The following PHIP variants were observed in gnomAD, a reference collection of about 807,000 sequenced individuals.
PHIP encodes the protein PH-interacting protein.
A neutral mutation model predicts 236.8 loss-of-function variants in PHIP; 54 were observed. The ratio of observed to expected loss-of-function variants is 0.23; its 90% CI spans 0.18 to 0.29. PHIP has a LOEUF of 0.29. Among genes scored for constraint, PHIP ranks in the 10% least tolerant of loss-of-function variants. The pLI is 1.00. For missense variants in PHIP, 1,370 were observed against 2,190.8 expected, an observed-to-expected ratio of 0.63 and a Z score of 7.48; for synonymous variants, 756 against 718.9, an observed-to-expected ratio of 1.05 and a Z score of -0.83.
chr6:79,019,168 CA>C lies in PHIP; in HGVS notation c.924-10del. 2 of 1,597,634 alleles carry C rather than the reference CA, an allele frequency of 1.3e-6. No homozygotes were observed. The highest frequency in any genetic ancestry group is 1.7e-6 in the Non-Finnish European group (2 of 1,166,578). On this transcript the variant is annotated splice_polypyrimidine_tract_variant and intron_variant, in intron 9 of 39. Coordinates refer to ENST00000275034, the MANE Select transcript of PHIP (RefSeq NM_017934.7). Reference sequence around the variant, plus strand: ...ATTTTGCAGGTCTTGGGCTGTAATACAAAAAATAAAGAATTAAAAATATCCT... The same window carrying C: ...ATTTTGCAGGTCTTGGGCTGTAATACAAAAATAAAGAATTAAAAATATCCT...
intron 18 of PHIP, among the ~76,000 whole-genome samples, chr6:78,997,907 C>G (rs1769732350): frequency 6.6e-6 from 1 of 151,970 alleles, no homozygotes; most frequent in Non-Finnish European, 1.5e-5. Context: ...ACTAGACAAA[C>G]CCAAGAGTAT....
At chr6:79,007,412 G>T (rs779736836) in intron 15 of PHIP, among the ~76,000 whole-genome samples, 38 of 151,956 alleles carry the variant, frequency 2.5e-4, no homozygotes, top group Non-Finnish European at 5.4e-4. Context: ...GTTCTGAAAG[G>T]TATGTTGAAA....
intron 6 of PHIP, among the ~76,000 whole-genome samples, chr6:79,047,609 A>C (rs1240731380): frequency 6.6e-6 from 1 of 152,102 alleles, no homozygotes; most frequent in Non-Finnish European, 1.5e-5. Flanking sequence ...ACTCGTTCTA[A>C]ACTTTAATTT....
At chr6:79,009,993 CAG>C (rs951046892) in intron 15 of PHIP, among the ~76,000 whole-genome samples, 16 of 150,678 alleles carry the variant, frequency 1.1e-4, no homozygotes, top group African/African-American at 3.9e-4. Context: ...CTGGAAGCAT[CAG>C]AGAGTCCTTT....
chr6:79,051,788 C>A (rs1054411004), intron 6 of PHIP, among the ~76,000 whole-genome samples: 2 of 152,056 alleles, frequency 1.3e-5, no homozygotes, highest in African/African-American at 4.8e-5. Flanking sequence ...TTCCTGGAAA[C>A]CAGTCTGATG....
chr6:78,962,194 C>G (rs899622356), intron 30 of PHIP, among the ~76,000 whole-genome samples: 10 of 152,088 alleles, frequency 6.6e-5, no homozygotes, highest in Admixed American at 6.6e-4. Context: ...CTTTGACTTT[C>G]TCAAACGTAT....
chr6:78,999,826 G>A (rs1312602694), intron 17 of PHIP, among the ~76,000 whole-genome samples: 1 of 151,908 alleles, frequency 6.6e-6, no homozygotes, highest in Non-Finnish European at 1.5e-5. Context: ...AATTCAATAG[G>A]ATAAAATAAC....
chr6:78,949,432 C>T (rs1031713194), intron 35 of PHIP, among the ~76,000 whole-genome samples: 1 of 152,090 alleles, frequency 6.6e-6, no homozygotes, highest in Non-Finnish European at 1.5e-5. Flanking sequence ...GCCAGTATTT[C>T]CCTGTTTTAA....
At chr6:78,990,436 T>C (rs1769158026) in intron 20 of PHIP, among the ~76,000 whole-genome samples, 1 of 152,164 alleles carries the variant, frequency 6.6e-6, no homozygotes, top group South Asian at 2.1e-4. Flanking sequence ...TCTACCTCTC[T>C]TAATGAAGAA....
In PHIP at chr6:79,071,313, GA is replaced by G. The variant is rs149159517; in HGVS notation, c.189+6134del. Among the ~76,000 whole-genome samples the G allele has an allele frequency of 5.2e-3, 793 of 152,056 alleles. 11 individuals are homozygous for G. The highest frequency in any genetic ancestry group is 0.018 in the African/African-American group (752 of 41,492). On this transcript the variant is annotated intron_variant, in intron 4 of 39. Transcript: ENST00000275034. ...ACCCTGCTTTATCAAATTCCATCAA[GA>G]AAAAACATGTTATCATTTTCACCAA...
At chr6:79,044,301 T>C (rs909292114) in intron 6 of PHIP, among the ~76,000 whole-genome samples, 1 of 152,148 alleles carries the variant, frequency 6.6e-6, no homozygotes, top group African/African-American at 2.4e-5. Context: ...CACTTGGGAA[T>C]TTCTAAAACA....
Position 78,955,632 on chromosome 6 carries a change from T to A in PHIP, c.3833A>T (p.Lys1278Ile). The change falls in exon 33 of 40, where the codon AAA becomes ATA. Residue 1278 changes from lysine (K) to isoleucine (I), a missense_variant. Lys to Ile is a moderately radical substitution (Grantham distance 102, BLOSUM62 -3). Coordinates refer to ENST00000275034, the MANE Select transcript of PHIP (RefSeq NM_017934.7). ...IIPLYNSMKK[K>I]VLSDSEDEEK... ...ACATACCTCAGAATCAGACAAAACT[T>A]TCTTCTTCATTGAATTATAAAGTGG... 1 of 1,077,232 alleles carries A rather than the reference T, an allele frequency of 9.3e-7. No homozygotes were observed. Among genetic ancestry groups the A allele is most frequent in the Admixed American group, 1.8e-5 (1 of 55,276 alleles). The allele number at this position is 1,077,232 out of a possible 1,614,324, so 66.7% of individuals were successfully genotyped here.
intron 15 of PHIP, among the ~76,000 whole-genome samples, chr6:79,014,315 T>A (rs903952446): frequency 1.3e-5 from 2 of 151,838 alleles, no homozygotes. Flanking sequence ...TTGTATTGTT[T>A]TATGGTTCAT....
intron 7 of PHIP, among the ~76,000 whole-genome samples, chr6:79,026,467 T>TA (rs11326550): frequency 2.0e-5 from 3 of 149,000 alleles, no homozygotes; most frequent in Admixed American, 6.7e-5. Flanking sequence ...ACTTCTGAAA[T>TA]AAAAAAAAAA....
chr6:79,066,235 A>C (rs989123076), intron 4 of PHIP, among the ~76,000 whole-genome samples: 5 of 152,156 alleles, frequency 3.3e-5, no homozygotes, highest in Admixed American at 6.5e-5. Flanking sequence ...CCAGATTATA[A>C]AGTCAGTGTG....
At chr6:79,053,866 A>G (rs1772927281) in intron 6 of PHIP, among the ~76,000 whole-genome samples, 1 of 152,176 alleles carries the variant, frequency 6.6e-6, no homozygotes, top group African/African-American at 2.4e-5. Flanking sequence ...TATGAAGTGG[A>G]GGGGATATCC....
chr6:78,940,590 T>G lies in PHIP; in HGVS notation c.*103A>C. 6.3e-6 allele frequency: 1 copy of G among 159,940 alleles called. No homozygotes were observed. The allele number at this position is 159,940 out of a possible 1,614,324, so 9.9% of individuals were successfully genotyped here. ...TTTTTTTGCAAATCAAATCATAACA[T>G]TCCCTACTCCACCACAGCAGCAAGG... is the stretch of plus-strand genomic sequence containing the variant. On this transcript the variant is annotated 3_prime_UTR_variant, in exon 40 of 40. Coordinates refer to ENST00000275034, the MANE Select transcript of PHIP (RefSeq NM_017934.7).
intron 9 of PHIP, among the ~76,000 whole-genome samples, chr6:79,022,223 C>G (rs1312995876): frequency 1.3e-5 from 2 of 152,144 alleles, no homozygotes; most frequent in Non-Finnish European, 2.9e-5. Context: ...ATCTGTAAAA[C>G]AGGGGTAAAA....
At chr6:79,071,035 T>C (rs1006021552) in intron 4 of PHIP, among the ~76,000 whole-genome samples, 1 of 152,188 alleles carries the variant, frequency 6.6e-6, no homozygotes, top group Non-Finnish European at 1.5e-5. Flanking sequence ...CATCTCATTC[T>C]CCTTACAATT....
Sources: allele counts gnomAD v4.1 joint callset (sites outside exome capture counted in the v4.1 genomes callset), GRCh38; gene constraint gnomAD v4.1.1; transcripts MANE v1.5; gene names NCBI Gene and HGNC (gene_info 2026-07-23, HGNC 2026-07-21).